ACTN4: variants seen among roughly 807,000 people sequenced by gnomAD.
ACTN4 encodes alpha-actinin-4.
A neutral mutation model predicts 114.2 loss-of-function variants in ACTN4; 18 were observed. The ratio of observed to expected loss-of-function variants is 0.16; its 90% confidence interval spans 0.11 to 0.23. The LOEUF (loss-of-function observed/expected upper bound fraction) is 0.23. ACTN4 is among the 10% of genes least tolerant of loss of function. The pLI is 1.00. For missense variants in ACTN4, 722 were observed against 1,262.9 expected (o/e 0.57, Z 6.49); for synonymous variants, 515 against 506.3 (o/e 1.02, Z -0.23).
rs750919242 is a variant in ACTN4, at chr19:38,717,912, C to T, written c.1144-15C>T. The T allele has an allele frequency of 1.3e-6, 2 of 1,581,864 alleles. No homozygotes were observed. Among genetic ancestry groups the T allele is most frequent in the East Asian group, 4.6e-5 (2 of 43,560 alleles). The stretch of plus-strand genomic sequence containing the variant: ...CTTCCTTGTGATAGCCCTGCCTGCT[C>T]CTGCCCTGCCCCAGGACATCAACAA... On this transcript the variant is annotated splice_polypyrimidine_tract_variant and intron_variant, in intron 10 of 20. Coordinates refer to ENST00000252699, the MANE Select transcript of ACTN4 (RefSeq NM_004924.6). This position sits in a 1 kb window ranked among gnomAD's most constrained non-coding sequence, Gnocchi z 4.0.
intron 3 of ACTN4, among the ~76,000 whole-genome samples, chr19:38,701,827 G>T (rs955881027): frequency 2.0e-5 from 3 of 152,240 alleles, no homozygotes; most frequent in African/African-American, 7.2e-5. Flanking sequence ...ATTAGTCAGA[G>T]TAAGATTTCT....
intron 1 of ACTN4, among the ~76,000 whole-genome samples, chr19:38,653,267 A>G (rs1170732962): frequency 6.6e-6 from 1 of 152,180 alleles, no homozygotes; most frequent in Admixed American, 6.5e-5. Flanking sequence ...GCTAGTTAGC[A>G]AACAGAATGG....
intron 4 of ACTN4, 80 bp downstream of exon 4, chr19:38,705,100 T>C (rs1044739520): frequency 6.9e-6 from 9 of 1,298,132 alleles, no homozygotes; most frequent in South Asian, 1.2e-5. Flanking sequence ...ATCTTCATGC[T>C]TCAAGCCTCT....
intron 1 of ACTN4, among the ~76,000 whole-genome samples, chr19:38,658,699 G>A (rs1976782250): frequency 6.6e-6 from 1 of 152,182 alleles, no homozygotes; most frequent in South Asian, 2.1e-4. Context: ...CAACTTGCCA[G>A]GCCGGTTCAA....
At position 38,727,158 on chromosome 19, in the gene ACTN4, C is replaced by T; in HGVS notation, c.2337+55C>T. 6.2e-7 allele frequency: 1 copy of T among 1,612,564 alleles called. No individual in the cohort carries two copies. Among genetic ancestry groups the T allele is most frequent in the South Asian group, 1.1e-5 (1 of 91,020 alleles). On this transcript the variant is annotated intron_variant, in intron 18 of 20. Transcript: ENST00000252699. This position sits in a 1 kb window ranked among gnomAD's most constrained non-coding sequence, Gnocchi z 5.4. Reference sequence around the variant, plus strand: ...CCCCTCCCGCCGTTGCCGTACCAGCCCACACCTTCGTCTCTGCATCTGTTC... The same window carrying T: ...CCCCTCCCGCCGTTGCCGTACCAGCTCACACCTTCGTCTCTGCATCTGTTC...
At chr19:38,669,754 T>C (rs755761290) in intron 1 of ACTN4, among the ~76,000 whole-genome samples, 2 of 152,106 alleles carry the variant, frequency 1.3e-5, no homozygotes, top group African/African-American at 2.4e-5. Context: ...CTGGTAACAG[T>C]GCCGGAGCTG....
intron 3 of ACTN4, among the ~76,000 whole-genome samples, chr19:38,704,537 C>A (rs1284832989): frequency 2.0e-5 from 3 of 152,254 alleles, no homozygotes; most frequent in Admixed American, 1.3e-4. Flanking sequence ...GGGGTGCCCC[C>A]CTGTAGTCAG....
chr19:38,713,266 A>T (rs1208799890), intron 8 of ACTN4, among the ~76,000 whole-genome samples: 1 of 152,188 alleles, frequency 6.6e-6, no homozygotes, highest in Non-Finnish European at 1.5e-5. Flanking sequence ...CCGCCAGTGC[A>T]CTGAGCCCCA....
intron 1 of ACTN4, among the ~76,000 whole-genome samples, chr19:38,679,920 T>G (rs1338739443): frequency 2.0e-5 from 3 of 152,198 alleles, no homozygotes; most frequent in Non-Finnish European, 4.4e-5. Context: ...TCTCTGACTC[T>G]TCTTCCTCAT....
chr19:38,690,929 C>T (rs931170940), intron 1 of ACTN4, among the ~76,000 whole-genome samples: 38 of 152,276 alleles, frequency 2.5e-4, no homozygotes, highest in African/African-American at 7.7e-4. Context: ...AAGCTGGATG[C>T]GAGATGCCGC....
rs1555842719 is a variant in ACTN4, at chr19:38,730,450, C to CTGA, written c.*1020_*1022dup. The CTGA allele has an allele frequency of 5.4e-5, 11 of 204,622 alleles. No individual in the cohort carries two copies. Among genetic ancestry groups the CTGA allele is most frequent in the Admixed American group, 1.1e-4 (2 of 18,654 alleles). The allele number at this position is 204,622 out of a possible 1,614,324, so 12.7% of individuals were successfully genotyped here. A position where few individuals can be genotyped will look rare whatever the true frequency, so the allele number is the denominator to read the frequency against. ...CCTACCTTTTTTTTTTGAGTTTATT[C>CTGA]TGATTGATTTTTTTTCTTGGTTTCT... On this transcript the variant is annotated 3_prime_UTR_variant, in exon 21 of 21. Coordinates refer to ENST00000252699, the MANE Select transcript of ACTN4 (RefSeq NM_004924.6).
rs1338159778 is a variant in ACTN4, at chr19:38,729,724, C to T, written c.*292C>T. ...AGGAGGGGCCAGTGGATTCCCACAGCACAACCGGTCCCTTCCATGCCCTGG... is the reference window on the plus strand; with the variant it reads ...AGGAGGGGCCAGTGGATTCCCACAGTACAACCGGTCCCTTCCATGCCCTGG... On this transcript the variant is annotated 3_prime_UTR_variant, in exon 21 of 21. Coordinates refer to ENST00000252699, the MANE Select transcript of ACTN4 (RefSeq NM_004924.6). 1.7e-5 allele frequency: 10 copies of T among 602,946 alleles called. No homozygotes were observed. The East Asian group carries it at 3.2e-4, about 19-fold the overall frequency. The allele number at this position is 602,946 out of a possible 1,614,324, so 37.3% of individuals were successfully genotyped here.
chr19:38,714,749 T>G, intron 9 of ACTN4, among the ~76,000 whole-genome samples, 188 bp downstream of exon 9: 1 of 152,052 alleles, frequency 6.6e-6, no homozygotes. Flanking sequence ...AGGCTAAGGG[T>G]CAGACCGGCA....
intron 1 of ACTN4, among the ~76,000 whole-genome samples, chr19:38,692,267 G>A (rs1967954876): frequency 6.6e-6 from 1 of 152,248 alleles, no homozygotes; most frequent in Admixed American, 6.5e-5. Context: ...GCTGGGGTTG[G>A]GTCCTGGACA....
intron 1 of ACTN4, among the ~76,000 whole-genome samples, chr19:38,673,240 G>A (rs1478079214): frequency 6.6e-6 from 1 of 151,298 alleles, no homozygotes; most frequent in Non-Finnish European, 1.5e-5. Context: ...ACCACACCCG[G>A]CCTATTCATC....
Position 38,647,700 on chromosome 19 carries a change from C to G in ACTN4, c.-46C>G. 2 of 1,514,136 alleles carry G rather than the reference C, an allele frequency of 1.3e-6. No individual in the cohort carries two copies. The highest frequency in any genetic ancestry group is 1.2e-5 in the South Asian group (1 of 80,610). The allele number at this position is 1,514,136 out of a possible 1,614,324, so 93.8% of individuals were successfully genotyped here. A position where few individuals can be genotyped will look rare whatever the true frequency, so the allele number is the denominator to read the frequency against. On this transcript the variant is annotated 5_prime_UTR_variant, in exon 1 of 21. Coordinates refer to ENST00000252699, the MANE Select transcript of ACTN4 (RefSeq NM_004924.6). Reference sequence around the variant, plus strand: ...GGCGGCTCGGGCAGAGGGGCGGGAGCTGAGGCGGGAGCGGACAGGCTGGTG... The same window carrying G: ...GGCGGCTCGGGCAGAGGGGCGGGAGGTGAGGCGGGAGCGGACAGGCTGGTG...
At chr19:38,705,202 C>G (rs866312075) in intron 4 of ACTN4, among the ~76,000 whole-genome samples, 182 bp downstream of exon 4, 1 of 152,322 alleles carries the variant, frequency 6.6e-6, no homozygotes, top group Middle Eastern at 3.4e-3. Context: ...AGCTGCCTGC[C>G]TCTTGGCTCC....
At chr19:38,673,745 TTATA>T (rs1168614613) in intron 1 of ACTN4, among the ~76,000 whole-genome samples, 10 of 96,520 alleles carry the variant, frequency 1.0e-4, no homozygotes, top group Non-Finnish European at 6.5e-5. Flanking sequence ...ATTTATATAT[TTATA>T]TATATTTTTA....
At chr19:38,710,220 C>T (rs551016149) in intron 7 of ACTN4, 37 bp from the exon 8 acceptor site, 1 of 1,612,200 alleles carries the variant, frequency 6.2e-7, no homozygotes, top group African/African-American at 1.3e-5. Context: ...ACCCCCCGCC[C>T]TACTCGGGCA....
Sources: gnomAD v4.1 joint callset for allele counts (sites outside exome capture counted in the v4.1 genomes callset) on GRCh38, gnomAD v4.1.1 for gene constraint, Gnocchi (gnomAD v3.1) non-coding constraint, MANE v1.5 for transcripts, NCBI Gene and HGNC (gene_info 2026-07-23, HGNC 2026-07-21) for gene names.